The following NDUFV3 variants were observed in gnomAD, a reference collection of about 807,000 sequenced individuals.
NDUFV3 encodes NADH:ubiquinone oxidoreductase subunit V3.
In NDUFV3, 44 loss-of-function variants were observed where a neutral mutation model predicts 37.5. The ratio of observed to expected loss-of-function variants is 1.17; its 90% CI spans 0.92 to 1.51. NDUFV3 has a LOEUF of 1.51. Ranked by LOEUF, NDUFV3 falls within the 40% of genes most tolerant of loss-of-function variation. The probability of loss-of-function intolerance (pLI) is 0.00; values close to 1 mark genes in which losing one functional copy is unlikely to be tolerated. For synonymous variants in NDUFV3, 235 were observed against 239.3 expected (o/e 0.98, Z 0.17); for missense variants, 580 against 580.4 (o/e 1.00, Z 0.01).
At chr21:42,899,570 G>C (rs574427842) in intron 2 of NDUFV3, among the ~76,000 whole-genome samples, 1 of 152,022 alleles carries the variant, frequency 6.6e-6, no homozygotes, top group Non-Finnish European at 1.5e-5. Flanking sequence ...CCATCCTCCC[G>C]AATAGCTGGG....
In NDUFV3 at chr21:42,895,690, G is replaced by A. The variant is rs369215567; in HGVS notation, c.49-1237G>A. Among the ~76,000 whole-genome samples the A allele has an allele frequency of 7.3e-5, 11 of 151,380 alleles. 1 individual carries two copies. Among genetic ancestry groups the A allele is most frequent in the African/African-American group, 2.4e-5 (1 of 41,358 alleles). On this transcript the variant is annotated intron_variant, in intron 1 of 3. Transcript: ENST00000354250. ...AAGAAAAGAAAAAAGAAGAAACGTG[G>A]TATTTTGTAGGTTAATAAATAATTG... is the stretch of plus-strand genomic sequence containing the variant.
chr21:42,905,879 T>G (rs1206392292), intron 3 of NDUFV3, among the ~76,000 whole-genome samples: 2 of 126,618 alleles, frequency 1.6e-5, no homozygotes, highest in African/African-American at 5.7e-5. Flanking sequence ...TTTTTTTTTT[T>G]TGGAGATGGA....
intron 3 of NDUFV3, among the ~76,000 whole-genome samples, chr21:42,905,348 C>T (rs1362106384): frequency 1.3e-5 from 2 of 152,164 alleles, no homozygotes; most frequent in African/African-American, 2.4e-5. Flanking sequence ...ATCCTGTGCA[C>T]AGGGCAGATT....
rs1178126942 is a variant in NDUFV3, at chr21:42,911,852, GA to G, written c.*2832del. The G allele has an allele frequency of 6.6e-6, 1 of 152,168 alleles. No homozygotes were observed. The highest frequency in any genetic ancestry group is 1.5e-5 in the Non-Finnish European group (1 of 68,032). 9.4% of individuals were successfully genotyped at this position (152,168 alleles called of 1,614,324 possible). A position where few individuals can be genotyped will look rare whatever the true frequency, so the allele number is the denominator to read the frequency against. On this transcript the variant is annotated 3_prime_UTR_variant, in exon 4 of 4. Coordinates refer to ENST00000354250, the MANE Select transcript of NDUFV3 (RefSeq NM_021075.4). ...CCGTGGAACTACTGTGATGGGCGGT[GA>G]TGCTTTGGAAATGGAAATTCCCTTA...
intron 2 of NDUFV3, 24 bp from the exon 3 acceptor site, chr21:42,903,158 A>C: frequency 6.2e-7 from 1 of 1,614,136 alleles, no homozygotes; most frequent in African/African-American, 1.3e-5. Context: ...GTTAAATAAC[A>C]TTCCTCTTTA....
chr21:42,893,322 G>C lies in NDUFV3; in HGVS notation c.-12G>C. The C allele has an allele frequency of 6.5e-7, 1 of 1,537,768 alleles. No homozygotes were observed. Among genetic ancestry groups the C allele is most frequent in the Non-Finnish European group, 8.7e-7 (1 of 1,146,328 alleles). On this transcript the variant is annotated 5_prime_UTR_variant, in exon 1 of 4. Transcript: ENST00000354250. ...TGCTGTGGCCCTGCTTGGTGCGCCC[G>C]CTGTCACCGCCATGGCTGCCCCGTG... is the stretch of plus-strand genomic sequence containing the variant.
At chr21:42,897,294 C>A (rs1568856207) in intron 2 of NDUFV3, among the ~76,000 whole-genome samples, 1 of 152,186 alleles carries the variant, frequency 6.6e-6, no homozygotes, top group Non-Finnish European at 1.5e-5. Flanking sequence ...AAATGCCAAA[C>A]CCCAACCTGA....
At position 42,910,004 on chromosome 21, in the gene NDUFV3, C is replaced by T. The variant is rs981670585; in HGVS notation, c.*983C>T. On this transcript the variant is annotated 3_prime_UTR_variant, in exon 4 of 4. Transcript: ENST00000354250. Reference sequence around the variant, plus strand: ...CCAGCCAGTAATAGTGACTTCTAATCCTACAGCCCTGGTTTTTGATCATTA... The same window carrying T: ...CCAGCCAGTAATAGTGACTTCTAATTCTACAGCCCTGGTTTTTGATCATTA... The T allele has an allele frequency of 1.3e-5, 2 of 152,256 alleles. No homozygotes were observed. Among genetic ancestry groups the T allele is most frequent in the Middle Eastern group, 6.8e-3 (2 of 294 alleles). The allele number at this position is 152,256 out of a possible 1,614,324, so 9.4% of individuals were successfully genotyped here. A position where few individuals can be genotyped will look rare whatever the true frequency, so the allele number is the denominator to read the frequency against.
chr21:42,908,765 A>G, intron 3 of NDUFV3, 99 bp from the exon 4 acceptor site: 2 of 1,412,210 alleles, frequency 1.4e-6, no homozygotes, highest in Non-Finnish European at 2.0e-6. Context: ...GATAGGGATG[A>G]TGAAGAATGC....
chr21:42,897,527 C>A (rs910643764), intron 2 of NDUFV3, among the ~76,000 whole-genome samples: 5 of 152,184 alleles, frequency 3.3e-5, no homozygotes, highest in African/African-American at 1.2e-4. Flanking sequence ...GCATGTGCCA[C>A]CACGTCTGGC....
chr21:42,896,875 C>T (rs559350207), intron 1 of NDUFV3, 52 bp from the exon 2 acceptor site: 2 of 1,557,452 alleles, frequency 1.3e-6, no homozygotes, highest in Admixed American at 1.7e-5. Context: ...ATAGTACCAG[C>T]TATTATAATG....
At chr21:42,896,844 A>AATAT in intron 1 of NDUFV3, 83 bp from the exon 2 acceptor site, 1 of 1,325,778 alleles carries the variant, frequency 7.5e-7, no homozygotes, top group Admixed American at 2.0e-5. Flanking sequence ...TGACTCAAAA[A>AATAT]ATATATATAT....
At position 42,904,067 on chromosome 21, in the gene NDUFV3, A is replaced by G. The variant is rs1006248275; in HGVS notation, c.1055A>G (p.Lys352Arg). Residue 352 changes from lysine to arginine, a missense_variant, in exon 3 of 4, where the codon AAG becomes AGG. Transcript: ENST00000354250. ...AAGGCGGCCCCTCCCCTGCCCAGAA[A>G]GGAAACCTCAGGGACGCAGGGAATA... The part of the protein sequence containing the change: ...QRKAAPPLPR[K>R]ETSGTQGIEG... 1.9e-6 allele frequency: 3 copies of G among 1,614,124 alleles called. No individual in the cohort carries two copies. Among genetic ancestry groups the G allele is most frequent in the African/African-American group, 2.7e-5 (2 of 74,946 alleles).
At chr21:42,905,450 C>A (rs2058737067) in intron 3 of NDUFV3, among the ~76,000 whole-genome samples, 2 of 152,198 alleles carry the variant, frequency 1.3e-5, no homozygotes, top group African/African-American at 4.8e-5. Flanking sequence ...CTCTGGTTAA[C>A]TGAAAACACA....
rs1386778829 is a variant in NDUFV3 at position 42,903,595 on chromosome 21, GA to G, written c.587del (p.Asn196ThrfsTer59). ...AAAACCAGAGGCCTCTCATTCCTTT[GA>G]AAACAGAGCCCCCCGAGTTACAGTA... ...LRKPEASHSF[E>X]NRAPRVTVSA... On this transcript the variant is annotated frameshift_variant, in exon 3 of 4. Transcript: ENST00000354250. LOFTEE classifies it high-confidence loss of function. 1.2e-6 allele frequency: 2 copies of G among 1,613,838 alleles called. No individual in the cohort carries two copies. Among genetic ancestry groups the G allele is most frequent in the African/African-American group, 2.7e-5 (2 of 74,920 alleles).
At position 42,909,075 on chromosome 21, in the gene NDUFV3, C is replaced by T; in HGVS notation, c.*54C>T. On this transcript the variant is annotated 3_prime_UTR_variant, in exon 4 of 4. Transcript: ENST00000354250. Reference sequence around the variant, plus strand: ...ACCGTCTTCACTGCATCCTGGAGTGCAAAAATAAAATCCACTCAAGAGTCA... The same window carrying T: ...ACCGTCTTCACTGCATCCTGGAGTGTAAAAATAAAATCCACTCAAGAGTCA... 1 of 1,569,148 alleles carries T rather than the reference C, an allele frequency of 6.4e-7. No homozygotes were observed. Among genetic ancestry groups the T allele is most frequent in the East Asian group, 2.3e-5 (1 of 43,918 alleles).
chr21:42,911,765 A>G lies in NDUFV3; in HGVS notation c.*2744A>G, dbSNP rs1481212757. 1 of 152,152 alleles carries G rather than the reference A, an allele frequency of 6.6e-6. No individual in the cohort carries two copies. Among genetic ancestry groups the G allele is most frequent in the Admixed American group, 6.6e-5 (1 of 15,264 alleles). 9.4% of individuals were successfully genotyped at this position (152,152 alleles called of 1,614,324 possible). On this transcript the variant is annotated 3_prime_UTR_variant, in exon 4 of 4. Transcript: ENST00000354250. ...GGTGTAACCATTTTAATGTACCTAC[A>G]ACTTTTCTATCCTGCTATTTGCATT...
At chr21:42,902,036 C>T (rs2146156972) in intron 2 of NDUFV3, among the ~76,000 whole-genome samples, 1 of 152,282 alleles carries the variant, frequency 6.6e-6, no homozygotes, top group East Asian at 1.9e-4. Context: ...TGGAGAAACC[C>T]TGTCTCTACT....
chr21:42,907,448 ATTTTTTT>A (rs749048453), intron 3 of NDUFV3, among the ~76,000 whole-genome samples: 3 of 123,336 alleles, frequency 2.4e-5, no homozygotes, highest in Non-Finnish European at 1.6e-5. Context: ...TGCCCTACTA[ATTTTTTT>A]TTTTTTTTTT....
Sources: allele counts gnomAD v4.1 joint callset (sites outside exome capture counted in the v4.1 genomes callset), GRCh38; gene constraint gnomAD v4.1.1; transcripts MANE v1.5; gene names NCBI Gene and HGNC (gene_info 2026-07-23, HGNC 2026-07-21).